ACACA: variants seen among roughly 807,000 people sequenced by gnomAD.
ACACA encodes acetyl-CoA carboxylase alpha, also known as acetyl-CoA carboxylase 1.
Under a neutral mutation model 296.1 loss-of-function variants are expected in ACACA, and 103 were observed. That is an observed-to-expected ratio of 0.35 (90% CI 0.30 to 0.41). The LOEUF (loss-of-function observed/expected upper bound fraction) is 0.41, where lower values mean the gene tolerates loss of function less well. Ranked by LOEUF, ACACA falls within the 10% of genes least tolerant of loss-of-function variation. ACACA has a pLI of 1.00. For missense variants in ACACA, 1,554 were observed against 2,989.7 expected (o/e 0.52, Z 11.20); for synonymous variants, 953 against 1,038.6 (o/e 0.92, Z 1.58).
chr17:37,345,255 T>C (rs1000213517), intron 1 of ACACA: 8 of 152,280 alleles, frequency 5.3e-5, no homozygotes, highest in African/African-American at 1.9e-4. Context: ...GGTCTCACCA[T>C]ATTGGCCAGG....
At chr17:37,264,832 C>T (rs889355660) in intron 10 of ACACA, among the ~76,000 whole-genome samples, 3 of 152,210 alleles carry the variant, frequency 2.0e-5, no homozygotes, top group African/African-American at 7.2e-5. Context: ...TCTCAAAACT[C>T]AGTGGCTTGC....
At chr17:37,169,436 A>G (rs2076803391) in intron 41 of ACACA, among the ~76,000 whole-genome samples, 2 of 152,210 alleles carry the variant, frequency 1.3e-5, no homozygotes, top group South Asian at 2.1e-4. Flanking sequence ...AGGAAAAATA[A>G]AAAAGGGTTA....
At chr17:37,349,122 G>A (rs140779909) in intron 1 of ACACA, among the ~76,000 whole-genome samples, 1,590 of 150,164 alleles carry the variant, frequency 0.011, 32 homozygotes, top group African/African-American at 0.035. Context: ...GTGCAGTGGC[G>A]TGATCGCCGC....
At chr17:37,393,927 A>G (rs536849213) in intron 1 of ACACA, among the ~76,000 whole-genome samples, 9 of 152,306 alleles carry the variant, frequency 5.9e-5, no homozygotes, top group African/African-American at 1.9e-4. Context: ...TTCCCCTGAC[A>G]AAGCATAGAC....
chr17:37,377,654 C>T (rs907116267), intron 1 of ACACA, among the ~76,000 whole-genome samples: 3 of 137,294 alleles, frequency 2.2e-5, no homozygotes, highest in South Asian at 2.3e-4. Flanking sequence ...AGTGAGACTC[C>T]GTCTCAATAA....
At chr17:37,301,709 C>G (rs1189228574) in intron 3 of ACACA, among the ~76,000 whole-genome samples, 1 of 152,158 alleles carries the variant, frequency 6.6e-6, no homozygotes, top group African/African-American at 2.4e-5. Context: ...ATAACTGTGA[C>G]TTTATAGTAG....
intron 3 of ACACA, chr17:37,299,407 T>G: frequency 6.2e-7 from 1 of 1,610,890 alleles, no homozygotes; most frequent in Non-Finnish European, 8.5e-7. Context: ...TTCCTCCTCC[T>G]GTTGCAGCTG....
At chr17:37,365,248 C>T (rs758738912) in intron 1 of ACACA, among the ~76,000 whole-genome samples, 13 of 152,112 alleles carry the variant, frequency 8.5e-5, no homozygotes, top group Non-Finnish European at 1.6e-4. Flanking sequence ...TGTGAGCCAC[C>T]ATGCCTGGCC....
intron 1 of ACACA, among the ~76,000 whole-genome samples, chr17:37,363,324 T>C (rs1381936140): frequency 1.3e-5 from 2 of 151,260 alleles, no homozygotes; most frequent in Admixed American, 1.3e-4. Flanking sequence ...CTGGGATTAC[T>C]GGCGCGTGCC....
intron 19 of ACACA, 90 bp from the exon 20 acceptor site, chr17:37,245,304 G>A (rs1306938796): frequency 1.2e-5 from 16 of 1,332,404 alleles, no homozygotes; most frequent in Non-Finnish European, 1.7e-5. Context: ...TAGCATCTAA[G>A]TTGGACCACA....
At chr17:37,274,973 A>G (rs1598378846) in intron 8 of ACACA, among the ~76,000 whole-genome samples, 1 of 136,928 alleles carries the variant, frequency 7.3e-6, no homozygotes, top group South Asian at 2.3e-4. Flanking sequence ...CCAGTGCTTG[A>G]GTACTTAAGA....
At chr17:37,141,902 G>A (rs1177650020) in intron 45 of ACACA, among the ~76,000 whole-genome samples, 3 of 151,636 alleles carry the variant, frequency 2.0e-5, no homozygotes, top group Non-Finnish European at 4.4e-5. Flanking sequence ...TGTTGGCCAG[G>A]CTGGTCTCAA....
At chr17:37,112,607 TAAG>T (rs1567674425) in intron 51 of ACACA, among the ~76,000 whole-genome samples, 1 of 152,182 alleles carries the variant, frequency 6.6e-6, no homozygotes, top group Non-Finnish European at 1.5e-5. Flanking sequence ...ATGTAAATAA[TAAG>T]CCTCTCAGCC....
At chr17:37,245,974 T>C (rs934269922) in intron 19 of ACACA, among the ~76,000 whole-genome samples, 1 of 152,166 alleles carries the variant, frequency 6.6e-6, no homozygotes, top group Admixed American at 6.5e-5. Context: ...CAACACATAC[T>C]TGCAGTTCCC....
chr17:37,372,876 A>ATT (rs57452316), intron 1 of ACACA, among the ~76,000 whole-genome samples: 3 of 143,850 alleles, frequency 2.1e-5, no homozygotes, highest in African/African-American at 2.5e-5. Flanking sequence ...CTACACTTGG[A>ATT]TTTTTTTTTT....
intron 45 of ACACA, among the ~76,000 whole-genome samples, chr17:37,146,550 C>T (rs1011959709): frequency 2.0e-5 from 3 of 151,820 alleles, no homozygotes; most frequent in African/African-American, 7.3e-5. Context: ...GTGTCCTTCT[C>T]CCTTGCTGCC....
intron 1 of ACACA, among the ~76,000 whole-genome samples, chr17:37,384,425 C>T (rs575240505): frequency 6.6e-6 from 1 of 151,996 alleles, no homozygotes; most frequent in South Asian, 2.1e-4. Flanking sequence ...CTTTTTCCCC[C>T]TCTTTCAATC....
At chr17:37,246,579 T>C (rs115987749) in intron 19 of ACACA, among the ~76,000 whole-genome samples, 3,417 of 152,082 alleles carry the variant, frequency 0.022, 124 homozygotes, top group African/African-American at 0.078. Flanking sequence ...TCTACAGGCA[T>C]GTGCCACTGT....
chr17:37,337,083 G>C (rs1229905319), intron 2 of ACACA, among the ~76,000 whole-genome samples: 3 of 152,146 alleles, frequency 2.0e-5, no homozygotes, highest in African/African-American at 7.2e-5. Context: ...AACCATATCA[G>C]AACCTACAGG....
Sources: gnomAD v4.1 joint callset for allele counts (sites outside exome capture counted in the v4.1 genomes callset) on GRCh38, gnomAD v4.1.1 for gene constraint, MANE v1.5 for transcripts, NCBI Gene and HGNC (gene_info 2026-07-23, HGNC 2026-07-21) for gene names.